Variants in MAP4K4 observed in about 807,000 individuals in gnomAD.
MAP4K4 encodes the protein HPK/GCK-like kinase HGK.
In MAP4K4, 38 loss-of-function variants were observed where a neutral mutation model predicts 189.6. The observed-to-expected ratio is 0.20, with a 90% CI of 0.15 to 0.26. The LOEUF is 0.26. MAP4K4 is among the 10% of genes least tolerant of loss of function. The pLI, the probability that MAP4K4 is intolerant of heterozygous loss-of-function variation, is 1.00. For synonymous variants in MAP4K4, 610 were observed against 624.3 expected, an observed-to-expected ratio of 0.98 and a Z score of 0.34; for missense variants, 1,054 against 1,726.9, an observed-to-expected ratio of 0.61 and a Z score of 6.91.
chr2:101,868,051 C>T lies in MAP4K4; in HGVS notation c.2463+14C>T. 6.2e-7 allele frequency: 1 copy of T among 1,611,514 alleles called. No homozygotes were observed. The highest frequency in any genetic ancestry group is 8.5e-7 in the Non-Finnish European group (1 of 1,178,862). ...AAGGGCGAAGTGGTAAGCGCCATCTCTGAAAAGTTCCACTTCAGAGCAGCA... is the reference window on the plus strand; with the variant it reads ...AAGGGCGAAGTGGTAAGCGCCATCTTTGAAAAGTTCCACTTCAGAGCAGCA... On this transcript the variant is annotated intron_variant, in intron 21 of 32. Coordinates refer to ENST00000324219, the Ensembl canonical transcript of MAP4K4.
At chr2:101,803,596 T>C (rs1161341635) in intron 3 of MAP4K4, among the ~76,000 whole-genome samples, 1 of 152,180 alleles carries the variant, frequency 6.6e-6, no homozygotes, top group African/African-American at 2.4e-5. Context: ...AATTCTAGCC[T>C]AATTTGTCCA....
chr2:101,764,433 A>G (rs757101367), intron 2 of MAP4K4, among the ~76,000 whole-genome samples: 17 of 152,234 alleles, frequency 1.1e-4, no homozygotes, highest in Non-Finnish European at 2.5e-4. Context: ...GGTAAAATTA[A>G]GTTGAGAACA....
At chr2:101,728,342 A>C (rs1294144936) in intron 2 of MAP4K4, among the ~76,000 whole-genome samples, 1 of 152,188 alleles carries the variant, frequency 6.6e-6, no homozygotes, top group African/African-American at 2.4e-5. Context: ...ATTATGAAGC[A>C]CTGCTGAGGC....
chr2:101,877,734 CT>C (rs2098248535), intron 27 of MAP4K4, among the ~76,000 whole-genome samples: 1 of 150,116 alleles, frequency 6.7e-6, no homozygotes, highest in African/African-American at 2.4e-5. Context: ...AATTATGTCT[CT>C]TTTTTACTTA....
intron 2 of MAP4K4, 70 bp downstream of exon 2, chr2:101,698,608 G>GA (rs2036058356): frequency 6.8e-7 from 1 of 1,462,256 alleles, no homozygotes; most frequent in Non-Finnish European, 9.6e-7. Context: ...AGGAGAGGGT[G>GA]ATAAACATGC....
chr2:101,867,444 C>G (rs1021201164), intron 20 of MAP4K4, 135 bp downstream of exon 20: 18 of 646,548 alleles, frequency 2.8e-5, no homozygotes, highest in Non-Finnish European at 4.6e-5. Flanking sequence ...AAGGAATGAC[C>G]TAAACCCCAG....
At chr2:101,875,743 C>T (rs144597584) in intron 26 of MAP4K4, among the ~76,000 whole-genome samples, 75 of 152,286 alleles carry the variant, frequency 4.9e-4, no homozygotes, top group Admixed American at 1.1e-3. Context: ...AAAGGTGATT[C>T]TGACAGTGAA....
At chr2:101,823,960 T>C in exon 4 of MAP4K4, 1 of 1,606,582 alleles carries the variant, frequency 6.2e-7, no homozygotes, top group South Asian at 1.1e-5. Flanking sequence ...TGGAGATAAA[T>C]ATGCTAAAGA....
intron 12 of MAP4K4, among the ~76,000 whole-genome samples, chr2:101,847,457 C>T (rs1002259983): frequency 2.6e-5 from 4 of 152,180 alleles, no homozygotes; most frequent in Non-Finnish European, 5.9e-5. Context: ...CCCTTGAAGA[C>T]TCTCCAATGG....
At chr2:101,750,566 C>T (rs779366741) in intron 2 of MAP4K4, among the ~76,000 whole-genome samples, 6 of 149,506 alleles carry the variant, frequency 4.0e-5, no homozygotes, top group Non-Finnish European at 5.9e-5. Context: ...TGCTAGATGA[C>T]GAGTTAGTGG....
intron 2 of MAP4K4, among the ~76,000 whole-genome samples, chr2:101,705,126 C>A (rs1231810886): frequency 6.6e-6 from 1 of 152,142 alleles, no homozygotes. Context: ...TGGACTCTTA[C>A]AAACTTTGTT....
At chr2:101,712,358 C>T (rs564763893) in intron 2 of MAP4K4, among the ~76,000 whole-genome samples, 72 of 151,938 alleles carry the variant, frequency 4.7e-4, no homozygotes, top group African/African-American at 1.4e-3. Flanking sequence ...CCATGCCCGG[C>T]GAATTTTTTG....
chr2:101,875,608 C>T (rs142877169), intron 26 of MAP4K4, among the ~76,000 whole-genome samples: 9 of 152,208 alleles, frequency 5.9e-5, no homozygotes, highest in East Asian at 1.9e-4. Flanking sequence ...GATATTCTTC[C>T]GCCTCACTCC....
In MAP4K4 at chr2:101,762,070, G is replaced by A. The variant is rs76409764; in HGVS notation, c.124-28650G>A. Among the ~76,000 whole-genome samples, 1,011 of 152,232 alleles carry A rather than the reference G, an allele frequency of 6.6e-3. 11 individuals are homozygous for A. Among genetic ancestry groups the A allele is most frequent in the African/African-American group, 0.024 (978 of 41,522 alleles). On this transcript the variant is annotated intron_variant, in intron 2 of 32. Coordinates refer to ENST00000324219, the Ensembl canonical transcript of MAP4K4. ...TTTCCCTGTCTGAAAAAATAGAACC[G>A]GGAGTCTATTCCAAGTAGGGTTGTT...
rs561201747 is a variant in MAP4K4 at position 101,885,495 on chromosome 2, T to G, written c.3621+208T>G. Reference sequence around the variant, plus strand: ...GCCCACAGTGAGAAGGAGAGAGAGATAAATGTTGGGTAGACACTTTAATCG... The same window carrying G: ...GCCCACAGTGAGAAGGAGAGAGAGAGAAATGTTGGGTAGACACTTTAATCG... On this transcript the variant is annotated intron_variant, in intron 29 of 32. Transcript: ENST00000324219. Among the ~76,000 whole-genome samples the G allele has an allele frequency of 9.8e-5, 15 of 152,316 alleles. No homozygotes were observed. In the East Asian group the frequency reaches 1.5e-3, roughly 16 times the overall value.
intron 2 of MAP4K4, among the ~76,000 whole-genome samples, chr2:101,727,172 T>C (rs932932592): frequency 6.6e-6 from 1 of 152,198 alleles, no homozygotes; most frequent in African/African-American, 2.4e-5. Context: ...GAGACAAATA[T>C]TGAAGCCATT....
exon 33 of MAP4K4, chr2:101,891,184 C>A (rs1414117423): frequency 1.2e-6 from 2 of 1,613,632 alleles, no homozygotes; most frequent in East Asian, 4.5e-5. Flanking sequence ...TGCCTCTGTT[C>A]GGTCTGGTGG....
chr2:101,727,809 A>C (rs1362472772), intron 2 of MAP4K4, among the ~76,000 whole-genome samples: 1 of 152,180 alleles, frequency 6.6e-6, no homozygotes, highest in Non-Finnish European at 1.5e-5. Context: ...TCTCTACTAA[A>C]AATACAAAAA....
intron 2 of MAP4K4, among the ~76,000 whole-genome samples, chr2:101,741,601 A>C (rs1251161980): frequency 6.6e-6 from 1 of 151,676 alleles, no homozygotes; most frequent in Non-Finnish European, 1.5e-5. Flanking sequence ...TTAATCTTTC[A>C]GTTTTAATTT....
Sources: allele counts gnomAD v4.1 joint callset (sites outside exome capture counted in the v4.1 genomes callset), GRCh38; gene constraint gnomAD v4.1.1; transcripts MANE v1.5; gene names NCBI Gene and HGNC (gene_info 2026-07-23, HGNC 2026-07-21).